TENM3: variants seen among roughly 807,000 people sequenced by gnomAD.
The protein encoded by TENM3 is teneurin transmembrane protein 3, also known as teneurin-3.
A neutral mutation model predicts 255.1 loss-of-function variants in TENM3; 63 were observed. The ratio of observed to expected loss-of-function variants is 0.25; its 90% CI spans 0.20 to 0.30. The LOEUF is 0.30. Ranked by LOEUF, TENM3 falls within the 10% of genes least tolerant of loss-of-function variation. The pLI, the probability that TENM3 is intolerant of heterozygous loss-of-function variation, is 1.00. For missense variants in TENM3, 2,929 were observed against 3,461.1 expected (o/e 0.85, Z 3.86); for synonymous variants, 1,306 against 1,322.3 (o/e 0.99, Z 0.27).
chr4:181,541,720 G>A, the TENM3 span, among the ~76,000 whole-genome samples: 3 of 152,152 alleles, frequency 2.0e-5, no homozygotes, highest in Non-Finnish European at 4.4e-5. Flanking sequence ...ATATCTCCAG[G>A]GATGTCTCAT....
At chr4:182,636,977 A>G (rs1014954479) in intron 5 of TENM3, among the ~76,000 whole-genome samples, 1 of 152,188 alleles carries the variant, frequency 6.6e-6, no homozygotes, top group African/African-American at 2.4e-5. Context: ...GCTTAATGCA[A>G]TATTTACCAC....
the TENM3 span, among the ~76,000 whole-genome samples, chr4:182,073,768 A>T: frequency 6.6e-6 from 1 of 152,092 alleles, no homozygotes; most frequent in Admixed American, 6.5e-5. Flanking sequence ...CTCAGTCCTT[A>T]CCCCAGGGAG....
At chr4:181,884,264 G>A in the TENM3 span, among the ~76,000 whole-genome samples, 7 of 151,584 alleles carry the variant, frequency 4.6e-5, no homozygotes, top group East Asian at 1.9e-4. Context: ...CGAATTTCCC[G>A]TTTATTTCTG....
chr4:181,690,922 C>T, the TENM3 span, among the ~76,000 whole-genome samples: 1 of 117,334 alleles, frequency 8.5e-6, no homozygotes, highest in African/African-American at 2.5e-5. Flanking sequence ...GTGACTCTAA[C>T]AAGCAAATAC....
At chr4:181,933,498 C>T in the TENM3 span, among the ~76,000 whole-genome samples, 1 of 152,008 alleles carries the variant, frequency 6.6e-6, no homozygotes, top group South Asian at 2.1e-4. Context: ...ATTGAAATAC[C>T]CACACCCCCA....
chr4:182,695,051 C>CAATATTCTAAAAATATTCTAA (rs1757295184), intron 12 of TENM3, among the ~76,000 whole-genome samples: 1 of 152,180 alleles, frequency 6.6e-6, no homozygotes, highest in African/African-American at 2.4e-5. Context: ...CAAAATAAAA[C>CAATATTCTAAAAATATTCTAA]AATATGTAAT....
chr4:181,690,240 G>GCACA, the TENM3 span, among the ~76,000 whole-genome samples: 97,400 of 150,432 alleles, frequency 0.65, 32,731 homozygotes, highest in Admixed American at 0.78. Flanking sequence ...GCGTGAGCGT[G>GCACA]CACACACACA....
chr4:182,206,190 A>G (rs535948122), intron 1 of TENM3, among the ~76,000 whole-genome samples: 1 of 152,282 alleles, frequency 6.6e-6, no homozygotes, highest in East Asian at 1.9e-4. Context: ...TGTGACCTGA[A>G]GTGATGGGAT....
chr4:182,064,109 C>G, the TENM3 span, among the ~76,000 whole-genome samples: 1 of 151,864 alleles, frequency 6.6e-6, no homozygotes, highest in South Asian at 2.1e-4. Context: ...GTCTCCTCAA[C>G]CGTGTAATAC....
At chr4:182,148,412 A>G (rs1212282816) in intron 1 of TENM3, among the ~76,000 whole-genome samples, 1 of 152,120 alleles carries the variant, frequency 6.6e-6, no homozygotes, top group Non-Finnish European at 1.5e-5. Flanking sequence ...AACTTTTTCT[A>G]AGAATTATAT....
intron 3 of TENM3, among the ~76,000 whole-genome samples, chr4:182,406,937 C>T (rs1365186421): frequency 6.6e-6 from 1 of 152,090 alleles, no homozygotes; most frequent in African/African-American, 2.4e-5. Context: ...AGGAGGGCAA[C>T]GAAACGAACT....
At chr4:182,450,494 A>C (rs1580589582) in intron 3 of TENM3, among the ~76,000 whole-genome samples, 5 of 152,228 alleles carry the variant, frequency 3.3e-5, no homozygotes, top group African/African-American at 1.2e-4. Flanking sequence ...AAGAGGTTAA[A>C]AAACTTGAGA....
intron 24 of TENM3, 144 bp from the exon 25 acceptor site, chr4:182,788,949 T>C (rs1023463066): frequency 1.6e-6 from 1 of 632,230 alleles, no homozygotes; most frequent in African/African-American, 1.8e-5. Context: ...GTTAATCTAC[T>C]GCCTTGCACT....
In TENM3 at chr4:182,755,190, T is replaced by C; in HGVS notation, c.4823T>C (p.Phe1608Ser). The C allele has an allele frequency of 6.2e-7, 1 of 1,613,100 alleles. No individual in the cohort carries two copies. The highest frequency in any genetic ancestry group is 8.5e-7 in the Non-Finnish European group (1 of 1,179,886). Residue 1608 changes from phenylalanine to serine, a missense_variant, in exon 22 of 28, where the codon TTT becomes TCT. Transcript: ENST00000511685. ...GCTCAAGGACTGGAATTAGTTTTGTTTACTTACCATGGCAATAGTGGCCTT... is the reference window on the plus strand; with the variant it reads ...GCTCAAGGACTGGAATTAGTTTTGTCTACTTACCATGGCAATAGTGGCCTT... ...MTAQGLELVL[F>S]TYHGNSGLLA...
chr4:182,015,664 G>A, the TENM3 span, among the ~76,000 whole-genome samples: 3 of 151,346 alleles, frequency 2.0e-5, no homozygotes, highest in African/African-American at 7.3e-5. Flanking sequence ...GGGTTCAAGT[G>A]ATTCTCCTGC....
intron 24 of TENM3, among the ~76,000 whole-genome samples, chr4:182,784,207 G>A (rs2152815732): frequency 6.6e-6 from 1 of 152,258 alleles, no homozygotes; most frequent in African/African-American, 2.4e-5. Flanking sequence ...GGTCTTTGAT[G>A]ACGGTGATGT....
At chr4:182,242,232 C>T (rs529458612), upstream of TENM3, among the ~76,000 whole-genome samples, 2 of 152,056 alleles carry the variant, frequency 1.3e-5, no homozygotes, top group African/African-American at 2.4e-5. Flanking sequence ...TGACAGGCCC[C>T]GGTGTGTAAT....
At chr4:181,639,843 G>C in the TENM3 span, among the ~76,000 whole-genome samples, 1 of 152,184 alleles carries the variant, frequency 6.6e-6, no homozygotes, top group Non-Finnish European at 1.5e-5. Flanking sequence ...CGGCCAAGGA[G>C]ATCCACCCCA....
At chr4:182,569,736 A>G (rs1744176350) in intron 3 of TENM3, among the ~76,000 whole-genome samples, 1 of 152,146 alleles carries the variant, frequency 6.6e-6, no homozygotes, top group South Asian at 2.1e-4. Context: ...AGACCCAGGC[A>G]AGGCAGCCAG....
Sources: gnomAD v4.1 joint callset for allele counts (sites outside exome capture counted in the v4.1 genomes callset) on GRCh38, gnomAD v4.1.1 for gene constraint, MANE v1.5 for transcripts, NCBI Gene and HGNC (gene_info 2026-07-23, HGNC 2026-07-21) for gene names.